Variants in CAMK4 observed in about 807,000 individuals in gnomAD.
CAMK4 encodes the protein calcium/calmodulin-dependent protein kinase type IV.
Under a neutral mutation model 44.9 loss-of-function variants are expected in CAMK4, and 22 were observed. The ratio of observed to expected loss-of-function variants is 0.49; its 90% CI spans 0.35 to 0.70. The LOEUF (loss-of-function observed/expected upper bound fraction) is 0.70, where lower values mean the gene tolerates loss of function less well. Among genes scored for constraint, CAMK4 ranks in the 30% least tolerant of loss-of-function variants. CAMK4 has a pLI of 0.01. For synonymous variants in CAMK4, 218 were observed against 215.4 expected (o/e 1.01, Z -0.11); for missense variants, 498 against 586.8 (o/e 0.85, Z 1.56).
At chr5:111,331,841 A>T (rs1352465270) in intron 1 of CAMK4, among the ~76,000 whole-genome samples, 1 of 151,728 alleles carries the variant, frequency 6.6e-6, no homozygotes, top group African/African-American at 2.4e-5. Flanking sequence ...TGATCTTAGT[A>T]TTTAGCCTAC....
intron 5 of CAMK4, among the ~76,000 whole-genome samples, chr5:111,422,486 A>G (rs1183214416): frequency 1.3e-5 from 2 of 152,238 alleles, no homozygotes; most frequent in Admixed American, 6.5e-5. Context: ...ACAGGTAGGT[A>G]TCTATAGAAG....
At chr5:111,419,204 C>T (rs1402947224) in intron 5 of CAMK4, among the ~76,000 whole-genome samples, 1 of 152,180 alleles carries the variant, frequency 6.6e-6, no homozygotes, top group Non-Finnish European at 1.5e-5. Flanking sequence ...TGATGATGAG[C>T]ATTTTTTCAT....
chr5:111,332,087 A>G (rs1749190568), intron 1 of CAMK4, among the ~76,000 whole-genome samples: 1 of 151,486 alleles, frequency 6.6e-6, no homozygotes, highest in Admixed American at 6.6e-5. Context: ...TTTCTTTTTT[A>G]TTATTATTAT....
chr5:111,400,755 T>C (rs191449251), intron 5 of CAMK4, among the ~76,000 whole-genome samples: 2 of 152,324 alleles, frequency 1.3e-5, no homozygotes, highest in Admixed American at 1.3e-4. Flanking sequence ...CTCTTGAGTA[T>C]TCTCTCTTCT....
intron 4 of CAMK4, among the ~76,000 whole-genome samples, chr5:111,386,355 A>G (rs945019561): frequency 7.9e-5 from 12 of 152,210 alleles, no homozygotes; most frequent in African/African-American, 2.9e-4. Flanking sequence ...CCTTCAGTAC[A>G]CATTCTCATC....
At chr5:111,283,827 T>C (rs1250048678) in intron 1 of CAMK4, among the ~76,000 whole-genome samples, 1 of 152,250 alleles carries the variant, frequency 6.6e-6, no homozygotes, top group African/African-American at 2.4e-5. Flanking sequence ...AGTTCATTCA[T>C]TGTAACTGAT....
At chr5:111,332,325 C>T (rs1053972719) in intron 1 of CAMK4, among the ~76,000 whole-genome samples, 2 of 143,572 alleles carry the variant, frequency 1.4e-5, no homozygotes, top group Admixed American at 1.5e-4. Flanking sequence ...TGAGAACATG[C>T]GGTGTTTGGT....
chr5:111,323,716 A>G (rs538207564), intron 1 of CAMK4, among the ~76,000 whole-genome samples: 4 of 152,230 alleles, frequency 2.6e-5, no homozygotes, highest in African/African-American at 9.6e-5. Flanking sequence ...TGAAAACTGA[A>G]AGAATCTATT....
chr5:111,484,553 C>CT lies in CAMK4; in HGVS notation c.*88dup. 5.9e-6 allele frequency: 5 copies of CT among 840,826 alleles called. No individual in the cohort carries two copies. Among genetic ancestry groups the CT allele is most frequent in the Non-Finnish European group, 6.9e-6 (4 of 583,666 alleles). The allele number at this position is 840,826 out of a possible 1,614,324, so 52.1% of individuals were successfully genotyped here. A position where few individuals can be genotyped will look rare whatever the true frequency, so the allele number is the denominator to read the frequency against. On this transcript the variant is annotated 3_prime_UTR_variant, in exon 11 of 11. Transcript: ENST00000282356. The surrounding 1 kb of genome is among the most constrained non-coding windows in gnomAD (Gnocchi z 5.3). ...GAAAGGTGTGGAAGCATGATATGTA[C>CT]TATAGTGATTCTGTTTTTGAGGTGC...
At chr5:111,275,828 C>G (rs1442984029) in intron 1 of CAMK4, among the ~76,000 whole-genome samples, 1 of 151,934 alleles carries the variant, frequency 6.6e-6, no homozygotes, top group Non-Finnish European at 1.5e-5. Context: ...TGATAGATAT[C>G]CCAATTACCC....
chr5:111,239,943 T>A (rs1011382426), intron 1 of CAMK4, among the ~76,000 whole-genome samples: 1 of 152,224 alleles, frequency 6.6e-6, no homozygotes, highest in Non-Finnish European at 1.5e-5. Flanking sequence ...TAGTACATGG[T>A]GCAATATTTG....
At chr5:111,438,802 G>A (rs139321364) in intron 5 of CAMK4, among the ~76,000 whole-genome samples, 35 of 152,246 alleles carry the variant, frequency 2.3e-4, no homozygotes, top group African/African-American at 7.7e-4. Flanking sequence ...AAACTTTAAA[G>A]CAAAATTACA....
chr5:111,368,101 A>G (rs1174997594), intron 2 of CAMK4, among the ~76,000 whole-genome samples: 1 of 152,044 alleles, frequency 6.6e-6, no homozygotes, highest in Non-Finnish European at 1.5e-5. Context: ...TAAAATATAT[A>G]TTTATTGTAA....
At chr5:111,261,936 T>A (rs529087013) in intron 1 of CAMK4, among the ~76,000 whole-genome samples, 11 of 152,144 alleles carry the variant, frequency 7.2e-5, no homozygotes, top group Non-Finnish European at 1.5e-4. Context: ...GCAGCAAGCC[T>A]TCTCTTTTCT....
chr5:111,230,656 T>A (rs886730719), intron 1 of CAMK4, among the ~76,000 whole-genome samples: 1 of 151,860 alleles, frequency 6.6e-6, no homozygotes, highest in Non-Finnish European at 1.5e-5. Context: ...AACCACAAAA[T>A]AGCTTCAAAG....
rs189099550 is a variant in CAMK4 at position 111,428,181 on chromosome 5, G to C, written c.460-18505G>C. The stretch of plus-strand genomic sequence containing the variant: ...CAAAAACCACAGTGTTACTGGGCTT[G>C]GGGTGCCCCCTGAAGTAGATACAGC... On this transcript the variant is annotated intron_variant, in intron 5 of 10. Coordinates refer to ENST00000282356, the MANE Select transcript of CAMK4 (RefSeq NM_001744.6). Among the ~76,000 whole-genome samples, 4 of 152,374 alleles carry C rather than the reference G, an allele frequency of 2.6e-5. No individual in the cohort carries two copies. The East Asian group carries it at 5.8e-4, about 22-fold the overall frequency.
At chr5:111,471,303 C>T (rs1441175040) in intron 7 of CAMK4, among the ~76,000 whole-genome samples, 1 of 152,172 alleles carries the variant, frequency 6.6e-6, no homozygotes, top group African/African-American at 2.4e-5. Context: ...TCTGCTCTTG[C>T]CAGTCCTCTT....
intron 5 of CAMK4, among the ~76,000 whole-genome samples, chr5:111,437,754 T>C (rs1753696581): frequency 6.6e-6 from 1 of 151,678 alleles, no homozygotes; most frequent in Non-Finnish European, 1.5e-5. Flanking sequence ...TGAGAGAAAA[T>C]CTGTATCAGA....
chr5:111,274,044 C>T (rs888553808), intron 1 of CAMK4, among the ~76,000 whole-genome samples: 1 of 151,980 alleles, frequency 6.6e-6, no homozygotes, highest in Admixed American at 6.6e-5. Context: ...TTGCATCCTC[C>T]TCCTTACCCA....
Sources: allele counts gnomAD v4.1 joint callset (sites outside exome capture counted in the v4.1 genomes callset), GRCh38; gene constraint gnomAD v4.1.1; non-coding constraint Gnocchi (gnomAD v3.1); transcripts MANE v1.5; gene names NCBI Gene and HGNC (gene_info 2026-07-23, HGNC 2026-07-21).